Variants in LIPG observed in about 807,000 individuals in gnomAD.
LIPG encodes the protein endothelial lipase.
LIPG carries 34 observed loss-of-function variants against 51.8 expected under a neutral mutation model. The ratio of observed to expected loss-of-function variants is 0.66; its 90% CI spans 0.50 to 0.87. The LOEUF is 0.87. Ranked by LOEUF, LIPG falls within the 40% of genes least tolerant of loss-of-function variation. LIPG has a pLI of 0.00. For missense variants in LIPG, 580 were observed against 652.7 expected (o/e 0.89, Z 1.21); for synonymous variants, 246 against 246.1 (o/e 1.00, Z 0.00).
chr18:49,586,907 A>C, intron 9 of LIPG, 57 bp downstream of exon 9: 2 of 1,237,232 alleles, frequency 1.6e-6, no homozygotes, highest in Non-Finnish European at 1.2e-6. Context: ...ATGATCTCCT[A>C]GCATGTGCTG....
At chr18:49,575,337 C>T in intron 4 of LIPG, 32 bp from the exon 5 acceptor site, 1 of 1,593,180 alleles carries the variant, frequency 6.3e-7, no homozygotes, top group South Asian at 1.1e-5. Context: ...CACCTGACAC[C>T]ACAGCTGTTT....
intron 9 of LIPG, chr18:49,589,886 C>A (rs2084922254): frequency 6.3e-6 from 1 of 158,322 alleles, no homozygotes; most frequent in Non-Finnish European, 1.4e-5. Flanking sequence ...TCCATTCCCT[C>A]AAAAACAATA....
intron 7 of LIPG, among the ~76,000 whole-genome samples, chr18:49,582,832 C>T (rs763012776): frequency 2.6e-5 from 4 of 152,240 alleles, no homozygotes; most frequent in Non-Finnish European, 2.9e-5. Flanking sequence ...CATCCCTGGA[C>T]CTCTCCTAAT....
chr18:49,567,792 A>G, intron 3 of LIPG, 171 bp downstream of exon 3: 3 of 635,488 alleles, frequency 4.7e-6, no homozygotes, highest in East Asian at 5.7e-5. Flanking sequence ...GAAAGCTGGG[A>G]CTTTTTGAGA....
At chr18:49,569,705 CTTT>C (rs35711840) in intron 4 of LIPG, among the ~76,000 whole-genome samples, 157 bp downstream of exon 4, 1 of 146,576 alleles carries the variant, frequency 6.8e-6, no homozygotes, top group Admixed American at 6.9e-5. Context: ...TCACAAGAAA[CTTT>C]TTTTTTTTTT....
Position 49,580,546 on chromosome 18 carries a change from G to C in LIPG, c.794-869G>C, listed in dbSNP as rs2084808317. Among the ~76,000 whole-genome samples, 4 of 152,268 alleles carry C rather than the reference G, an allele frequency of 2.6e-5. No individual in the cohort carries two copies. The South Asian group carries it at 6.2e-4, about 24-fold the overall frequency. ...TAGTCCCACCTATTTGGGAGGCTGAGGCAGGAGGACTGCTTGGGCCCAGGT... is the reference window on the plus strand; with the variant it reads ...TAGTCCCACCTATTTGGGAGGCTGACGCAGGAGGACTGCTTGGGCCCAGGT... On this transcript the variant is annotated intron_variant, in intron 5 of 9. Transcript: ENST00000261292.
At chr18:49,561,507 C>T (rs1347382367), upstream of LIPG, 2 of 427,306 alleles carry the variant, frequency 4.7e-6, no homozygotes, top group Admixed American at 4.4e-5. Flanking sequence ...AGCCCCTTAG[C>T]TCCGCCGGGT....
chr18:49,579,619 T>C (rs2084791708), intron 5 of LIPG, among the ~76,000 whole-genome samples: 1 of 152,074 alleles, frequency 6.6e-6, no homozygotes, highest in South Asian at 2.1e-4. Context: ...TGCTGTGCCC[T>C]CCACATGTCC....
intron 3 of LIPG, 120 bp downstream of exon 3, chr18:49,567,741 G>A: frequency 1.0e-6 from 1 of 997,234 alleles, no homozygotes; most frequent in Non-Finnish European, 1.5e-6. Flanking sequence ...AAATCTTTGA[G>A]ATTAAAAGTT....
rs781610561 is a variant in LIPG, at chr18:49,575,357, C to T, written c.572-12C>T. 30 of 1,611,484 alleles carry T rather than the reference C, an allele frequency of 1.9e-5. No individual in the cohort carries two copies. The highest frequency in any genetic ancestry group is 2.5e-5 in the Non-Finnish European group (30 of 1,179,648). ...GACACCACAGCTGTTTTGGGGCCTC[C>T]TTCTGCTGCAGGTTTGGATCCTGCC... On this transcript the variant is annotated splice_polypyrimidine_tract_variant and intron_variant, in intron 4 of 9. Coordinates refer to ENST00000261292, the MANE Select transcript of LIPG (RefSeq NM_006033.4).
chr18:49,585,496 A>G (rs1464806865), intron 8 of LIPG, among the ~76,000 whole-genome samples: 3 of 152,266 alleles, frequency 2.0e-5, no homozygotes, highest in Admixed American at 1.3e-4. Context: ...TATCCAAAAC[A>G]TAAAGATCTA....
At chr18:49,588,368 C>T (rs560737356) in intron 9 of LIPG, among the ~76,000 whole-genome samples, 28 of 151,540 alleles carry the variant, frequency 1.8e-4, no homozygotes, top group Non-Finnish European at 3.2e-4. Flanking sequence ...CTACAACCTC[C>T]GCCTCCCGGG....
rs2084988474 is a variant in LIPG at position 49,597,453 on chromosome 18, G to T, written c.*6931G>T. 1 of 152,122 alleles carries T rather than the reference G, an allele frequency of 6.6e-6. No individual in the cohort carries two copies. Among genetic ancestry groups the T allele is most frequent in the South Asian group, 2.1e-4 (1 of 4,820 alleles). The allele number at this position is 152,122 out of a possible 1,614,324, so 9.4% of individuals were successfully genotyped here. A position where few individuals can be genotyped will look rare whatever the true frequency, so the allele number is the denominator to read the frequency against. On this transcript the variant is annotated 3_prime_UTR_variant, in exon 10 of 10. Coordinates refer to ENST00000261292, the MANE Select transcript of LIPG (RefSeq NM_006033.4). Reference sequence around the variant, plus strand: ...ATTGGGGGTGGCCTCTCCTAAAAAAGACTAATATGTAAATAAAAGGAATAA... The same window carrying T: ...ATTGGGGGTGGCCTCTCCTAAAAAATACTAATATGTAAATAAAAGGAATAA...
chr18:49,583,545 C>G lies in LIPG; in HGVS notation c.1158-11C>G, dbSNP rs1303068007. 2 of 1,611,012 alleles carry G rather than the reference C, an allele frequency of 1.2e-6. No individual in the cohort carries two copies. Among genetic ancestry groups the G allele is most frequent in the Non-Finnish European group, 8.5e-7 (1 of 1,177,354 alleles). On this transcript the variant is annotated splice_polypyrimidine_tract_variant and intron_variant, in intron 7 of 9. Transcript: ENST00000261292. ...TTAGGGGAGTGAGATCAGCTTCTCT[C>G]CCACTTGTAGAGTGGAGCGGATCGA...
chr18:49,576,446 A>T, intron 5 of LIPG, among the ~76,000 whole-genome samples: 1 of 115,484 alleles, frequency 8.7e-6, no homozygotes, highest in African/African-American at 3.4e-5. Context: ...TTTTTAAAAG[A>T]CAGAATCTTG....
chr18:49,567,361 AG>A, intron 2 of LIPG, 80 bp from the exon 3 acceptor site: 3 of 1,375,000 alleles, frequency 2.2e-6, no homozygotes, highest in Non-Finnish European at 3.0e-6. Flanking sequence ...AATTGGGAAG[AG>A]GGTCATATAG....
Position 49,562,139 on chromosome 18 carries a change from A to G in LIPG, c.-170A>G. The G allele has an allele frequency of 6.8e-7, 1 of 1,466,102 alleles. No individual in the cohort carries two copies. Among genetic ancestry groups the G allele is most frequent in the South Asian group, 1.4e-5 (1 of 70,506 alleles). The allele number at this position is 1,466,102 out of a possible 1,614,324, so 90.8% of individuals were successfully genotyped here. A position where few individuals can be genotyped will look rare whatever the true frequency, so the allele number is the denominator to read the frequency against. Reference sequence around the variant, plus strand: ...AAGCCGTTGACACTCGCTCCCTGCCACCGCCCGGGCTCCGTGCCGCCAAGT... The same window carrying G: ...AAGCCGTTGACACTCGCTCCCTGCCGCCGCCCGGGCTCCGTGCCGCCAAGT... On this transcript the variant is annotated 5_prime_UTR_variant, in exon 1 of 10. Coordinates refer to ENST00000261292, the MANE Select transcript of LIPG (RefSeq NM_006033.4).
chr18:49,582,474 A>G lies in LIPG; in HGVS notation c.1149A>G (p.Pro383=), dbSNP rs764914374. ...YGTNADSQTL[P]LEIVERIEQN... The stretch of plus-strand genomic sequence containing the variant: ...CTAATGCAGATTCCCAGACTCTGCC[A>G]CTGGAAATGTAAGTCATCCGTTTCC... The change falls in exon 7 of 10, where the codon CCA becomes CCG. Residue 383 remains proline (P), a synonymous_variant. Transcript: ENST00000261292. 5.6e-6 allele frequency: 9 copies of G among 1,614,242 alleles called. No homozygotes were observed. Among genetic ancestry groups the G allele is most frequent in the African/African-American group, 1.3e-5 (1 of 75,050 alleles).
At chr18:49,589,357 T>C (rs2143982377) in intron 9 of LIPG, 1 of 152,364 alleles carries the variant, frequency 6.6e-6, no homozygotes, top group East Asian at 1.9e-4. Flanking sequence ...TAAATCTTTA[T>C]GTATTTAAAT....
Sources: gnomAD v4.1 joint callset for allele counts (sites outside exome capture counted in the v4.1 genomes callset) on GRCh38, gnomAD v4.1.1 for gene constraint, MANE v1.5 for transcripts, NCBI Gene and HGNC (gene_info 2026-07-23, HGNC 2026-07-21) for gene names.